Variants in SPO11 observed in about 807,000 individuals in gnomAD.
SPO11 encodes SPO11 initiator of meiotic double strand breaks.
SPO11 carries 49 observed loss-of-function variants against 51.6 expected under a neutral mutation model. That is an observed-to-expected ratio of 0.95 (90% CI 0.75 to 1.20). SPO11 has a LOEUF of 1.20. Ranked by LOEUF, SPO11 falls within the 50% of genes most tolerant of loss-of-function variation. The pLI, the probability that SPO11 is intolerant of heterozygous loss-of-function variation, is 0.00. For synonymous variants in SPO11, 176 were observed against 158.2 expected (o/e 1.11, Z -0.84); for missense variants, 431 against 473.4 (o/e 0.91, Z 0.83).
chr20:57,339,381 A>G (rs1371439993), intron 10 of SPO11, among the ~76,000 whole-genome samples: 2 of 152,178 alleles, frequency 1.3e-5, no homozygotes, highest in Non-Finnish European at 2.9e-5. Flanking sequence ...TGACTTTTCT[A>G]ATCCCTTTTC....
intron 2 of SPO11, among the ~76,000 whole-genome samples, chr20:57,332,798 A>C (rs1263339967): frequency 1.3e-5 from 2 of 152,196 alleles, no homozygotes; most frequent in African/African-American, 4.8e-5. Flanking sequence ...AAGCTTATTA[A>C]ATTGAGTAAA....
intron 9 of SPO11, 88 bp from the exon 10 acceptor site, chr20:57,338,895 CAAAATT>C (rs1161568414): frequency 1.3e-6 from 1 of 786,718 alleles, no homozygotes; most frequent in Non-Finnish European, 2.0e-6. Context: ...GTGATGTCCA[CAAAATT>C]AAAATTATAG....
rs1166330248 is a variant in SPO11, at chr20:57,341,731, T to C, written c.960-998T>C. Among the ~76,000 whole-genome samples, 3 of 152,368 alleles carry C rather than the reference T, an allele frequency of 2.0e-5. No homozygotes were observed. In the East Asian group the frequency reaches 5.8e-4, roughly 29 times the overall value. On this transcript the variant is annotated intron_variant, in intron 11 of 12. Transcript: ENST00000371263. ...GTATGTGTGTCATGGTCAGAATCCC[T>C]TGGGGGTGATCTGTTTGTATAAAAA...
At chr20:57,333,424 C>A in intron 3 of SPO11, 148 bp downstream of exon 3, 1 of 657,444 alleles carries the variant, frequency 1.5e-6, no homozygotes, top group Non-Finnish European at 2.6e-6. Flanking sequence ...TTTTCATTGT[C>A]AATAACTATG....
chr20:57,339,762 A>G (rs1368763047), intron 10 of SPO11, among the ~76,000 whole-genome samples: 1 of 152,210 alleles, frequency 6.6e-6, no homozygotes, highest in Non-Finnish European at 1.5e-5. Flanking sequence ...GTTTTGAGAC[A>G]GGGTCTCACT....
At position 57,330,018 on chromosome 20, in the gene SPO11, G is replaced by T; in HGVS notation, c.131+20G>T. 1.3e-6 allele frequency: 2 copies of T among 1,565,162 alleles called. No individual in the cohort carries two copies. Among genetic ancestry groups the T allele is most frequent in the Non-Finnish European group, 1.7e-6 (2 of 1,158,430 alleles). ...CTCCAGGTACAGGAGCTGGTGCCGAGGCGCGACGCAGCCACTCTGTAGAAA... is the reference window on the plus strand; with the variant it reads ...CTCCAGGTACAGGAGCTGGTGCCGATGCGCGACGCAGCCACTCTGTAGAAA... On this transcript the variant is annotated intron_variant, in intron 1 of 12. Transcript: ENST00000371263.
intron 1 of SPO11, among the ~76,000 whole-genome samples, chr20:57,331,368 T>C (rs2066447391): frequency 6.6e-6 from 1 of 152,248 alleles, no homozygotes; most frequent in Non-Finnish European, 1.5e-5. Flanking sequence ...AAGGTGTTTC[T>C]TTTGAAATTT....
chr20:57,335,566 G>A, intron 7 of SPO11, 111 bp downstream of exon 7: 1 of 1,085,554 alleles, frequency 9.2e-7, no homozygotes, highest in Non-Finnish European at 1.3e-6. Context: ...AGGCCCTGTA[G>A]CAGTCAAGAT....
Position 57,333,967 on chromosome 20 carries a change from T to C in SPO11, c.402-20T>C, listed in dbSNP as rs1341821288. On this transcript the variant is annotated intron_variant, in intron 4 of 12. Transcript: ENST00000371263. ...AAAAGAATATAGTTAATTAAAAATA[T>C]GTATTTTAAATTTTCATAGGGACAT... 3 of 1,359,960 alleles carry C rather than the reference T, an allele frequency of 2.2e-6. No individual in the cohort carries two copies. The highest frequency in any genetic ancestry group is 3.0e-6 in the Non-Finnish European group (3 of 986,174). The allele number at this position is 1,359,960 out of a possible 1,614,324, so 84.2% of individuals were successfully genotyped here. A position where few individuals can be genotyped will look rare whatever the true frequency, so the allele number is the denominator to read the frequency against.
Position 57,340,156 on chromosome 20 carries a change from C to G in SPO11, c.937C>G (p.Leu313Val). The change falls in exon 11 of 13, where the codon CTT (leucine) becomes GTT (valine). Residue 313 changes from leucine (L) to valine (V), a missense_variant. Physicochemically the swap from Leu to Val is conservative, Grantham distance 32 (BLOSUM62 1). This residue lies in a region of SPO11 where 405 missense variants were observed against 425.9 expected (regional missense o/e 0.95). Coordinates refer to ENST00000371263, the MANE Select transcript of SPO11 (RefSeq NM_012444.3). ...AGTTCCAGCTATTAGATGGCTTGGTCTTCTCCCTTCTGATCTTAAAAGGTT... is the reference window on the plus strand; with the variant it reads ...AGTTCCAGCTATTAGATGGCTTGGTGTTCTCCCTTCTGATCTTAAAAGGTT... ...LTVPAIRWLG[L>V]LPSDLKRLNV... 6.2e-7 allele frequency: 1 copy of G among 1,609,306 alleles called. No individual in the cohort carries two copies.
intron 11 of SPO11, among the ~76,000 whole-genome samples, chr20:57,340,882 A>C (rs2066573515): frequency 6.6e-6 from 1 of 152,212 alleles, no homozygotes; most frequent in South Asian, 2.1e-4. Flanking sequence ...CAAAAGAAAA[A>C]TATCATTTTA....
intron 10 of SPO11, 42 bp from the exon 11 acceptor site, chr20:57,340,060 A>G: frequency 7.5e-7 from 1 of 1,340,586 alleles, no homozygotes; most frequent in Non-Finnish European, 1.1e-6. Context: ...CTAGTTTTCT[A>G]CAATTTAGCC....
At chr20:57,338,164 T>G in intron 8 of SPO11, 112 bp from the exon 9 acceptor site, 2 of 807,164 alleles carry the variant, frequency 2.5e-6, no homozygotes, top group Non-Finnish European at 3.9e-6. Flanking sequence ...GTGCTGGGAT[T>G]ACAGGCGTGA....
Position 57,331,928 on chromosome 20 carries a change from C to A in SPO11, c.227C>A (p.Ser76Ter). 6.3e-7 allele frequency: 1 copy of A among 1,590,586 alleles called. No homozygotes were observed. Among genetic ancestry groups the A allele is most frequent in the Non-Finnish European group, 8.6e-7 (1 of 1,168,570 alleles). ...CCTGCATTCACGATAGACAACAGAT[C>A]AAGCTGGGAAAACATAAAGTGGGCA... ...EAPAFTIDNR[S>*]SWENIKFEDS... The change falls in exon 2 of 13, where the codon TCA becomes TAA. Residue 76 changes from serine to a stop codon, truncating the protein, a stop_gained. Coordinates refer to ENST00000371263, the MANE Select transcript of SPO11 (RefSeq NM_012444.3). LOFTEE classifies it high-confidence loss of function.
In SPO11 at chr20:57,331,844, T is replaced by C; in HGVS notation, c.143T>C (p.Leu48Pro). 4 of 1,583,116 alleles carry C rather than the reference T, an allele frequency of 2.5e-6. No individual in the cohort carries two copies. Among genetic ancestry groups the C allele is most frequent in the Non-Finnish European group, 3.4e-6 (4 of 1,165,224 alleles). Reference sequence around the variant, plus strand: ...GTTTATTGTTTCAGTTCTGAGGTTCTTGCATCTATAGAAAATATTATCCAA... The same window carrying C: ...GTTTATTGTTTCAGTTCTGAGGTTCCTGCATCTATAGAAAATATTATCCAA... ...GSRLASSSEV[L>P]ASIENIIQDI... The change falls in exon 2 of 13, where the codon CTT (leucine) becomes CCT (proline). Residue 48 changes from leucine to proline, a missense_variant. This residue lies in a region of SPO11 where 405 missense variants were observed against 425.9 expected (regional missense o/e 0.95). Transcript: ENST00000371263.
At position 57,333,970 on chromosome 20, in the gene SPO11, AT is replaced by A. The variant is rs1449948707; in HGVS notation, c.402-13del. The A allele has an allele frequency of 2.8e-6, 4 of 1,404,732 alleles. No individual in the cohort carries two copies. The highest frequency in any genetic ancestry group is 3.9e-6 in the Non-Finnish European group (4 of 1,025,108). The allele number at this position is 1,404,732 out of a possible 1,614,324, so 87.0% of individuals were successfully genotyped here. A position where few individuals can be genotyped will look rare whatever the true frequency, so the allele number is the denominator to read the frequency against. On this transcript the variant is annotated splice_polypyrimidine_tract_variant and intron_variant, in intron 4 of 12. Coordinates refer to ENST00000371263, the MANE Select transcript of SPO11 (RefSeq NM_012444.3). ...AGAATATAGTTAATTAAAAATATGTATTTTAAATTTTCATAGGGACATATAT... is the reference window on the plus strand; with the variant it reads ...AGAATATAGTTAATTAAAAATATGTATTTAAATTTTCATAGGGACATATAT...
intron 11 of SPO11, among the ~76,000 whole-genome samples, chr20:57,341,896 C>T (rs1038116278): frequency 2.0e-5 from 3 of 152,208 alleles, no homozygotes; most frequent in Admixed American, 6.6e-5. Context: ...AGGAAAAACA[C>T]TATGGTAGCT....
At chr20:57,342,056 G>C (rs2066589064) in intron 11 of SPO11, among the ~76,000 whole-genome samples, 1 of 152,128 alleles carries the variant, frequency 6.6e-6, no homozygotes, top group Admixed American at 6.5e-5. Context: ...GACTTCAAAA[G>C]GTAGTCCACA....
chr20:57,335,596 C>G, intron 7 of SPO11, 141 bp downstream of exon 7: 1 of 792,470 alleles, frequency 1.3e-6, no homozygotes, highest in Non-Finnish European at 2.0e-6. Flanking sequence ...ATGGTCCCTT[C>G]TTTAGTACTC....
Sources: gnomAD v4.1 joint callset for allele counts (sites outside exome capture counted in the v4.1 genomes callset) on GRCh38, gnomAD v4.1.1 for gene constraint, gnomAD v4.1.1 regional missense constraint, MANE v1.5 for transcripts, NCBI Gene and HGNC (gene_info 2026-07-23, HGNC 2026-07-21) for gene names.